The following PLCL2 variants were observed in gnomAD, a reference collection of about 807,000 sequenced individuals.
The protein encoded by PLCL2 is inactive phospholipase C-like protein 2.
Under a neutral mutation model 79.6 loss-of-function variants are expected in PLCL2, and 4 were observed. The ratio of observed to expected loss-of-function variants is 0.05; its 90% confidence interval spans 0.02 to 0.11. The LOEUF (loss-of-function observed/expected upper bound fraction) is 0.11. Among genes scored for constraint, PLCL2 ranks in the 10% least tolerant of loss-of-function variants. The pLI, the probability that PLCL2 is intolerant of heterozygous loss-of-function variation, is 1.00. For synonymous variants in PLCL2, 484 were observed against 457.7 expected, an observed-to-expected ratio of 1.06 and a Z score of -0.73; for missense variants, 895 against 1,291.0, an observed-to-expected ratio of 0.69 and a Z score of 4.70.
intron 1 of PLCL2, among the ~76,000 whole-genome samples, chr3:16,962,058 T>C (rs2063760076): frequency 6.6e-6 from 1 of 152,026 alleles, no homozygotes; most frequent in Non-Finnish European, 1.5e-5. Flanking sequence ...CCACAGGGAT[T>C]ATGGGGAAGC....
Position 16,892,822 on chromosome 3 carries a change from T to G in PLCL2, c.327+7456T>G, listed in dbSNP as rs75569947. ...TCCCCTTACAGACAAGGGAACCCAT[T>G]CTACAAGGTTTGGGAATTTCCAAGC... On this transcript the variant is annotated intron_variant, in intron 1 of 5. Transcript: ENST00000615277. Among the ~76,000 whole-genome samples, 366 of 152,246 alleles carry G rather than the reference T, an allele frequency of 2.4e-3. 4 individuals are homozygous for G. Among genetic ancestry groups the G allele is most frequent in the East Asian group, 0.02 (105 of 5,178 alleles).
chr3:16,936,729 T>C (rs1439022495), intron 1 of PLCL2, among the ~76,000 whole-genome samples: 1 of 152,202 alleles, frequency 6.6e-6, no homozygotes, highest in Non-Finnish European at 1.5e-5. Flanking sequence ...GTCAATACTT[T>C]TTTTTCAGCA....
At chr3:17,008,281 A>C (rs922396159) in intron 1 of PLCL2, among the ~76,000 whole-genome samples, 7 of 150,686 alleles carry the variant, frequency 4.6e-5, no homozygotes, top group African/African-American at 1.7e-4. Flanking sequence ...TCTCAGACTT[A>C]CATGTCTATC....
At chr3:16,976,284 C>T (rs913528858) in intron 1 of PLCL2, among the ~76,000 whole-genome samples, 1 of 152,012 alleles carries the variant, frequency 6.6e-6, no homozygotes, top group African/African-American at 2.4e-5. Flanking sequence ...TTGGCTCATG[C>T]AGTTGTAGGG....
chr3:16,922,679 G>A (rs1697150264), intron 1 of PLCL2, among the ~76,000 whole-genome samples: 1 of 151,946 alleles, frequency 6.6e-6, no homozygotes, highest in African/African-American at 2.4e-5. Flanking sequence ...AACTCTACCT[G>A]TGAATGGGCA....
intron 5 of PLCL2, among the ~76,000 whole-genome samples, chr3:17,081,951 C>G (rs1302644529): frequency 6.6e-6 from 1 of 152,164 alleles, no homozygotes; most frequent in Non-Finnish European, 1.5e-5. Context: ...CCAGAATGTG[C>G]GAAATCAAAT....
chr3:17,020,485 G>A (rs533210609), intron 3 of PLCL2, among the ~76,000 whole-genome samples: 4 of 152,112 alleles, frequency 2.6e-5, no homozygotes, highest in Non-Finnish European at 5.9e-5. Flanking sequence ...GAGATTATAC[G>A]TGAATTCATT....
intron 4 of PLCL2, among the ~76,000 whole-genome samples, chr3:17,065,908 C>T (rs1307851725): frequency 6.6e-6 from 1 of 152,190 alleles, no homozygotes; most frequent in African/African-American, 2.4e-5. Flanking sequence ...CTGCAAGCCT[C>T]AGTGATACTT....
intron 4 of PLCL2, among the ~76,000 whole-genome samples, chr3:17,052,256 G>T (rs868573853): frequency 1.7e-3 from 96 of 56,254 alleles, no homozygotes; most frequent in African/African-American, 3.7e-3. Context: ...AAAAAAAATT[G>T]GGGGGGGGTG....
Position 17,010,801 on chromosome 3 carries a change from C to T in PLCL2, c.1455C>T (p.Tyr485=). The T allele has an allele frequency of 6.2e-7, 1 of 1,614,174 alleles. No homozygotes were observed. Among genetic ancestry groups the T allele is most frequent in the Non-Finnish European group, 8.5e-7 (1 of 1,180,012 alleles). The stretch of plus-strand genomic sequence containing the variant: ...GGCCGGACAATGAACCTGTAATTTA[C>T]ACAGGCCACACCATGACCTCTCAGA... ...WDGPDNEPVI[Y]TGHTMTSQIV... is the part of the protein sequence containing the mutation. The change falls in exon 2 of 6, where the codon TAC becomes TAT. Residue 485 remains tyrosine, a synonymous_variant. Coordinates refer to ENST00000615277, the MANE Select transcript of PLCL2 (RefSeq NM_001144382.2). This position sits in a 1 kb window ranked among gnomAD's most constrained non-coding sequence, Gnocchi z 5.8.
rs548094988 is a variant in PLCL2, at chr3:17,083,081, G to A, written c.3205-6652G>A. On this transcript the variant is annotated intron_variant, in intron 5 of 5. Coordinates refer to ENST00000615277, the MANE Select transcript of PLCL2 (RefSeq NM_001144382.2). ...AGAAGACAAAAATTCCTGCCCTCGT[G>A]AAGTTTACATTTAGTGGAAGAGACA... Among the ~76,000 whole-genome samples, 278 of 152,200 alleles carry A rather than the reference G, an allele frequency of 1.8e-3. 2 individuals carry two copies. The highest frequency in any genetic ancestry group is 3.2e-3 in the Non-Finnish European group (215 of 68,022).
intron 1 of PLCL2, among the ~76,000 whole-genome samples, chr3:16,929,122 T>A (rs77390310): frequency 0.99 from 149,448 of 151,680 alleles, 73,608 homozygotes; most frequent in Middle Eastern, 1. Context: ...TGAGGATACC[T>A]GCGCAGAAAT....
intron 1 of PLCL2, among the ~76,000 whole-genome samples, chr3:16,934,302 T>G (rs1346566381): frequency 1.3e-5 from 2 of 152,128 alleles, no homozygotes; most frequent in Non-Finnish European, 2.9e-5. Context: ...ACTCAAGTGC[T>G]GGAGAAGCAG....
chr3:17,042,533 A>G (rs1432403501), intron 3 of PLCL2, among the ~76,000 whole-genome samples: 1 of 152,184 alleles, frequency 6.6e-6, no homozygotes, highest in Non-Finnish European at 1.5e-5. Flanking sequence ...AAAATGGATA[A>G]CCAAATTTTA....
At position 17,011,092 on chromosome 3, in the gene PLCL2, T is replaced by C. The variant is rs368727440; in HGVS notation, c.1746T>C (p.Asp582=). ...LSSNCSGVEG[D]VTDEDEGAEM... ...CAAATTGCTCTGGGGTAGAAGGAGA[T>C]GTTACTGACGAAGATGAAGGAGCAG... is the stretch of plus-strand genomic sequence containing the variant. Residue 582 remains aspartate, a synonymous_variant, in exon 2 of 6, where the codon GAT becomes GAC. Transcript: ENST00000615277. The surrounding 1 kb of genome is among the most constrained non-coding windows in gnomAD (Gnocchi z 7.9). The C allele has an allele frequency of 6.2e-7, 1 of 1,614,056 alleles. No homozygotes were observed. The highest frequency in any genetic ancestry group is 1.3e-5 in the African/African-American group (1 of 75,042).
chr3:17,017,647 T>C (rs1191020539), intron 3 of PLCL2, among the ~76,000 whole-genome samples: 1 of 152,182 alleles, frequency 6.6e-6, no homozygotes, highest in African/African-American at 2.4e-5. Flanking sequence ...CCATGTATAA[T>C]GTATGGAGGC....
intron 1 of PLCL2, among the ~76,000 whole-genome samples, chr3:16,917,167 A>T (rs1697016769): frequency 6.6e-6 from 1 of 152,200 alleles, no homozygotes; most frequent in Admixed American, 6.5e-5. Flanking sequence ...CCTCTGTGTA[A>T]CAGTGTATTC....
chr3:16,994,189 C>T (rs1287814028), intron 1 of PLCL2, among the ~76,000 whole-genome samples: 3 of 152,166 alleles, frequency 2.0e-5, no homozygotes, highest in South Asian at 2.1e-4. Context: ...TTGGAAGGGA[C>T]TTATGGTTTT....
At chr3:17,086,759 T>C (rs1422632271) in intron 5 of PLCL2, among the ~76,000 whole-genome samples, 2 of 152,018 alleles carry the variant, frequency 1.3e-5, no homozygotes, top group Non-Finnish European at 2.9e-5. Flanking sequence ...GATTAAAAAC[T>C]GGGCAAAAGT....
Sources: allele counts gnomAD v4.1 joint callset (sites outside exome capture counted in the v4.1 genomes callset), GRCh38; gene constraint gnomAD v4.1.1; non-coding constraint Gnocchi (gnomAD v3.1); transcripts MANE v1.5; gene names NCBI Gene and HGNC (gene_info 2026-07-23, HGNC 2026-07-21).